The following TMEM117 variants were observed in gnomAD, a reference collection of about 807,000 sequenced individuals.
TMEM117 encodes the protein transmembrane protein 117.
In TMEM117, 27 loss-of-function variants were observed where a neutral mutation model predicts 52.4. The ratio of observed to expected loss-of-function variants is 0.51; its 90% confidence interval spans 0.38 to 0.71. The LOEUF is 0.71. Among genes scored for constraint, TMEM117 ranks in the 30% least tolerant of loss-of-function variants. The probability of loss-of-function intolerance (pLI) is 0.00; values close to 1 mark genes in which losing one functional copy is unlikely to be tolerated. For missense variants in TMEM117, 556 were observed against 630.5 expected, an observed-to-expected ratio of 0.88 and a Z score of 1.26; for synonymous variants, 215 against 206.3, an observed-to-expected ratio of 1.04 and a Z score of -0.36.
intron 3 of TMEM117, among the ~76,000 whole-genome samples, chr12:44,068,145 C>T (rs1947250028): frequency 6.6e-6 from 1 of 152,162 alleles, no homozygotes; most frequent in Non-Finnish European, 1.5e-5. Context: ...GAGTTAGGGC[C>T]TTGCTCTCAA....
chr12:43,912,686 C>G (rs1017546815), intron 2 of TMEM117, among the ~76,000 whole-genome samples: 1 of 150,928 alleles, frequency 6.6e-6, no homozygotes, highest in African/African-American at 2.4e-5. Context: ...TCTTTTTTTT[C>G]ACCTTGGTTA....
At chr12:44,192,196 C>T (rs1949364135) in intron 4 of TMEM117, among the ~76,000 whole-genome samples, 1 of 152,140 alleles carries the variant, frequency 6.6e-6, no homozygotes, top group African/African-American at 2.4e-5. Context: ...CACCCTCACT[C>T]CTTCTCCATC....
intron 3 of TMEM117, among the ~76,000 whole-genome samples, chr12:43,964,313 G>A (rs1017479555): frequency 7.2e-5 from 11 of 152,094 alleles, no homozygotes; most frequent in Non-Finnish European, 1.3e-4. Context: ...ATGGGCCTGG[G>A]AGGGGGAGAA....
At chr12:43,988,909 T>C (rs1342737133) in intron 3 of TMEM117, among the ~76,000 whole-genome samples, 8 of 152,150 alleles carry the variant, frequency 5.3e-5, no homozygotes, top group African/African-American at 1.9e-4. Context: ...ACCTTTTCCT[T>C]ATGAGTTTCT....
At chr12:43,979,902 G>A (rs1430030270) in intron 3 of TMEM117, among the ~76,000 whole-genome samples, 1 of 152,168 alleles carries the variant, frequency 6.6e-6, no homozygotes, top group Non-Finnish European at 1.5e-5. Flanking sequence ...TTATTAGAAA[G>A]GGGTCTGCAG....
At chr12:44,033,974 T>G (rs1946673152) in intron 3 of TMEM117, among the ~76,000 whole-genome samples, 1 of 152,178 alleles carries the variant, frequency 6.6e-6, no homozygotes, top group African/African-American at 2.4e-5. Flanking sequence ...TAGTGACTGT[T>G]TCTTGTGATT....
intron 6 of TMEM117, among the ~76,000 whole-genome samples, chr12:44,359,953 G>A (rs143838412): frequency 6.6e-6 from 1 of 151,982 alleles, no homozygotes; most frequent in African/African-American, 2.4e-5. Context: ...CAATTTCTTT[G>A]GTAGTATGAA....
intron 4 of TMEM117, among the ~76,000 whole-genome samples, chr12:44,166,039 A>G (rs918672889): frequency 3.9e-5 from 6 of 152,186 alleles, no homozygotes; most frequent in African/African-American, 1.4e-4. Flanking sequence ...TTGGCTTGCA[A>G]TGGAATAAAA....
intron 2 of TMEM117, among the ~76,000 whole-genome samples, chr12:43,896,616 A>G (rs1044383549): frequency 3.2e-5 from 3 of 92,526 alleles, no homozygotes; most frequent in African/African-American, 8.3e-5. Flanking sequence ...GTTGCCTGAA[A>G]TAAACACATT....
intron 3 of TMEM117, among the ~76,000 whole-genome samples, chr12:44,118,974 G>A (rs1948190345): frequency 6.6e-6 from 1 of 152,174 alleles, no homozygotes; most frequent in Non-Finnish European, 1.5e-5. Context: ...ATAACCTAAA[G>A]TAATATGAAA....
chr12:44,232,826 T>C (rs1261832878), intron 5 of TMEM117, among the ~76,000 whole-genome samples: 1 of 151,394 alleles, frequency 6.6e-6, no homozygotes, highest in Non-Finnish European at 1.5e-5. Context: ...TCTTTACTGT[T>C]TCTCAGTAAA....
At chr12:44,272,377 T>C (rs550750865) in intron 5 of TMEM117, among the ~76,000 whole-genome samples, 36 of 152,196 alleles carry the variant, frequency 2.4e-4, no homozygotes, top group African/African-American at 8.4e-4. Context: ...ACAAATGGGA[T>C]CTAATTCAAC....
intron 6 of TMEM117, among the ~76,000 whole-genome samples, chr12:44,319,143 T>C (rs375463696): frequency 6.6e-6 from 1 of 152,178 alleles, no homozygotes; most frequent in African/African-American, 2.4e-5. Context: ...CAGAGCAAGC[T>C]CTGCAATCTC....
chr12:43,816,715 A>G, the TMEM117 span, among the ~76,000 whole-genome samples: 1 of 152,220 alleles, frequency 6.6e-6, no homozygotes, highest in East Asian at 1.9e-4. Context: ...GAATCCTCCA[A>G]ATTTCTCAGG....
chr12:44,050,915 T>C (rs557192403), intron 3 of TMEM117, among the ~76,000 whole-genome samples: 145 of 152,236 alleles, frequency 9.5e-4, no homozygotes, highest in South Asian at 1.9e-3. Context: ...AGTTTAGGAG[T>C]AAGACTGATG....
intron 3 of TMEM117, among the ~76,000 whole-genome samples, chr12:44,024,459 A>T (rs1360041208): frequency 6.6e-6 from 1 of 152,180 alleles, no homozygotes; most frequent in African/African-American, 2.4e-5. Context: ...TGATGAGAAC[A>T]AGTTAAGAAA....
chr12:43,883,888 A>G (rs950472836), intron 2 of TMEM117, among the ~76,000 whole-genome samples: 4 of 152,148 alleles, frequency 2.6e-5, no homozygotes, highest in Non-Finnish European at 4.4e-5. Context: ...TATAATCTCA[A>G]CACTTTGGGA....
chr12:43,908,993 A>G (rs372316589), intron 2 of TMEM117, among the ~76,000 whole-genome samples: 8 of 121,450 alleles, frequency 6.6e-5, no homozygotes, highest in South Asian at 3.4e-4. Flanking sequence ...TGCACCAAGC[A>G]GACCTAATAG....
intron 5 of TMEM117, among the ~76,000 whole-genome samples, chr12:44,239,063 T>A (rs748078838): frequency 6.6e-6 from 1 of 152,206 alleles, no homozygotes; most frequent in Admixed American, 6.5e-5. Context: ...AATCCCAGTG[T>A]AGGGTTTTAA....
Sources: gnomAD v4.1 joint callset for allele counts (sites outside exome capture counted in the v4.1 genomes callset) on GRCh38, gnomAD v4.1.1 for gene constraint, MANE v1.5 for transcripts, NCBI Gene and HGNC (gene_info 2026-07-23, HGNC 2026-07-21) for gene names.